The following OR5AR1 variants were observed in gnomAD, a reference collection of about 807,000 sequenced individuals.
OR5AR1 encodes olfactory receptor family 5 subfamily AR member 1, also known as olfactory receptor 5AR1.
Under a neutral mutation model 12.3 loss-of-function variants are expected in OR5AR1, and 19 were observed. That is an observed-to-expected ratio of 1.55 (90% CI 1.08 to 2.27). The LOEUF (loss-of-function observed/expected upper bound fraction) is 2.27. Among genes scored for constraint, OR5AR1 ranks in the 30% most tolerant of loss-of-function variants. OR5AR1 has a pLI of 0.00. For synonymous variants in OR5AR1, 156 were observed against 138.8 expected, an observed-to-expected ratio of 1.12 and a Z score of -0.87; for missense variants, 432 against 378.4, an observed-to-expected ratio of 1.14 and a Z score of -1.18.
In OR5AR1 at chr11:56,664,013, G is replaced by T; in HGVS notation, c.328G>T (p.Ala110Ser). The change falls in exon 1 of 1, where the codon GCT becomes TCT. Residue 110 changes from alanine (A) to serine (S), a missense_variant. Coordinates refer to ENST00000624596, the MANE Select transcript of OR5AR1 (RefSeq NM_001004730.1). ...TGCTTTTTTTGTAGGTTTTGTGGATGCTGAGTGCTATGTCCTGGCAGCCAT... is the reference window on the plus strand; with the variant it reads ...TGCTTTTTTTGTAGGTTTTGTGGATTCTGAGTGCTATGTCCTGGCAGCCAT... ...QFAFFVGFVD[A>S]ECYVLAAMAY... 6.2e-7 allele frequency: 1 copy of T among 1,613,950 alleles called. No homozygotes were observed. The highest frequency in any genetic ancestry group is 8.5e-7 in the Non-Finnish European group (1 of 1,179,970).
In OR5AR1 at chr11:56,664,499, A is replaced by T. The variant is rs2134992696; in HGVS notation, c.814A>T (p.Lys272Ter). Residue 272 changes from lysine to a stop codon, truncating the protein, a stop_gained, in exon 1 of 1, where the codon AAG becomes TAG. Coordinates refer to ENST00000624596, the MANE Select transcript of OR5AR1 (RefSeq NM_001004730.1). LOFTEE classifies it high-confidence loss of function. ...ATCCAGCTACTCCCTGGACCAAGAC[A>T]AGTGGGCCTCTGTGTTCTACACGGT... Reference protein sequence around the residue: ...PTSSYSLDQDKWASVFYTVII... With the variant: ...PTSSYSLDQD 1 of 1,614,066 alleles carries T rather than the reference A, an allele frequency of 6.2e-7. No individual in the cohort carries two copies. The highest frequency in any genetic ancestry group is 1.3e-5 in the African/African-American group (1 of 75,048).
chr11:56,663,955 A>G lies in OR5AR1; in HGVS notation c.270A>G (p.Lys90=), dbSNP rs1210538561. The G allele has an allele frequency of 6.2e-7, 1 of 1,613,950 alleles. No homozygotes were observed. The highest frequency in any genetic ancestry group is 8.5e-7 in the Non-Finnish European group (1 of 1,179,990). The change falls in exon 1 of 1, where the codon AAA becomes AAG. Residue 90 remains lysine (K), a synonymous_variant. Coordinates refer to ENST00000624596, the MANE Select transcript of OR5AR1 (RefSeq NM_001004730.1). The part of the protein sequence containing the change: ...RMLADFLTNH[K]VISFSSCATQ... Reference sequence around the variant, plus strand: ...TGGCTGACTTCCTAACAAATCACAAAGTTATCTCCTTCTCCAGCTGTGCCA... The same window carrying G: ...TGGCTGACTTCCTAACAAATCACAAGGTTATCTCCTTCTCCAGCTGTGCCA...
chr11:56,663,822 T>C lies in OR5AR1; in HGVS notation c.137T>C (p.Ile46Thr). The change falls in exon 1 of 1, where the codon ATT becomes ACT. Residue 46 changes from isoleucine to threonine, a missense_variant. Physicochemically the swap from Ile to Thr is moderately conservative, Grantham distance 89. Transcript: ENST00000624596. ...LVNVVGNIGMIILITTDTQLH... is the reference protein window; with the variant it reads ...LVNVVGNIGMTILITTDTQLH... ...AATGTAGTGGGGAATATTGGTATGA[T>C]TATCCTGATTACAACAGACACTCAG... 6.2e-7 allele frequency: 1 copy of C among 1,614,028 alleles called. No homozygotes were observed. The highest frequency in any genetic ancestry group is 8.5e-7 in the Non-Finnish European group (1 of 1,179,954).
chr11:56,664,293 G>A lies in OR5AR1; in HGVS notation c.608G>A (p.Cys203Tyr), dbSNP rs1031549482. The A allele has an allele frequency of 9.9e-6, 16 of 1,613,974 alleles. No individual in the cohort carries two copies. The Admixed American group carries it at 1.8e-4, about 18-fold the overall frequency. Residue 203 changes from cysteine (C) to tyrosine (Y), a missense_variant, in exon 1 of 1, where the codon TGT becomes TAT. Physicochemically the swap from Cys to Tyr is radical, Grantham distance 194. Coordinates refer to ENST00000624596, the MANE Select transcript of OR5AR1 (RefSeq NM_001004730.1). The part of the protein sequence containing the change: ...YISEILLFSL[C>Y]GFIEFSTILI... The stretch of plus-strand genomic sequence containing the variant: ...AGTGAGATCTTGCTCTTCAGTCTGT[G>A]TGGCTTCATTGAATTCAGCACCATC...
In OR5AR1 at chr11:56,664,505, G is replaced by A. The variant is rs1195249214; in HGVS notation, c.820G>A (p.Ala274Thr). The A allele has an allele frequency of 6.8e-6, 11 of 1,613,666 alleles. No individual in the cohort carries two copies. Among genetic ancestry groups the A allele is most frequent in the Non-Finnish European group, 9.3e-6 (11 of 1,179,848 alleles). Reference sequence around the variant, plus strand: ...CTACTCCCTGGACCAAGACAAGTGGGCCTCTGTGTTCTACACGGTTATCAT... The same window carrying A: ...CTACTCCCTGGACCAAGACAAGTGGACCTCTGTGTTCTACACGGTTATCAT... ...SSYSLDQDKWASVFYTVIIPM... is the reference protein window; with the variant it reads ...SSYSLDQDKWTSVFYTVIIPM... Residue 274 changes from alanine to threonine, a missense_variant, in exon 1 of 1, where the codon GCC becomes ACC. Ala to Thr is a moderately conservative substitution (Grantham distance 58, BLOSUM62 0). Coordinates refer to ENST00000624596, the MANE Select transcript of OR5AR1 (RefSeq NM_001004730.1).
In OR5AR1 at chr11:56,664,504, G is replaced by C; in HGVS notation, c.819G>C (p.Trp273Cys). The C allele has an allele frequency of 1.2e-6, 2 of 1,613,960 alleles. No homozygotes were observed. Among genetic ancestry groups the C allele is most frequent in the East Asian group, 4.5e-5 (2 of 44,852 alleles). Residue 273 changes from tryptophan (W) to cysteine (C), a missense_variant, in exon 1 of 1, where the codon TGG becomes TGC. Physicochemically the swap from Trp to Cys is radical, Grantham distance 215. Transcript: ENST00000624596. ...GCTACTCCCTGGACCAAGACAAGTG[G>C]GCCTCTGTGTTCTACACGGTTATCA... The part of the protein sequence containing the change: ...TSSYSLDQDK[W>C]ASVFYTVIIP...
Position 56,664,287 on chromosome 11 carries a change from GTCTGTGTGGC to G in OR5AR1, c.604_613del (p.Leu202SerfsTer56). On this transcript the variant is annotated frameshift_variant, in exon 1 of 1. Transcript: ENST00000624596. LOFTEE classifies it high-confidence loss of function. ...TACATCAGTGAGATCTTGCTCTTCA[GTCTGTGTGGC>G]TTCATTGAATTCAGCACCATCCTCA... 2 of 1,614,106 alleles carry G rather than the reference GTCTGTGTGGC, an allele frequency of 1.2e-6. No homozygotes were observed. Among genetic ancestry groups the G allele is most frequent in the Non-Finnish European group, 1.7e-6 (2 of 1,180,014 alleles).
At position 56,664,505 on chromosome 11, in the gene OR5AR1, G is replaced by C; in HGVS notation, c.820G>C (p.Ala274Pro). The C allele has an allele frequency of 6.2e-7, 1 of 1,613,784 alleles. No homozygotes were observed. Among genetic ancestry groups the C allele is most frequent in the East Asian group, 2.2e-5 (1 of 44,842 alleles). Residue 274 changes from alanine (A) to proline (P), a missense_variant, in exon 1 of 1, where the codon GCC (alanine) becomes CCC (proline). Physicochemically the swap from Ala to Pro is conservative, Grantham distance 27. Transcript: ENST00000624596. ...CTACTCCCTGGACCAAGACAAGTGG[G>C]CCTCTGTGTTCTACACGGTTATCAT... is the stretch of plus-strand genomic sequence containing the variant. Reference protein sequence around the residue: ...SSYSLDQDKWASVFYTVIIPM... With the variant: ...SSYSLDQDKWPSVFYTVIIPM...
chr11:56,664,314 C>A lies in OR5AR1; in HGVS notation c.629C>A (p.Thr210Asn), dbSNP rs1483602894. ...FSLCGFIEFS[T>N]ILIIFISYTF... is the part of the protein sequence containing the mutation. Reference sequence around the variant, plus strand: ...CTGTGTGGCTTCATTGAATTCAGCACCATCCTCATCATCTTCATCTCCTAT... The same window carrying A: ...CTGTGTGGCTTCATTGAATTCAGCAACATCCTCATCATCTTCATCTCCTAT... Residue 210 changes from threonine (T) to asparagine (N), a missense_variant, in exon 1 of 1, where the codon ACC becomes AAC. Coordinates refer to ENST00000624596, the MANE Select transcript of OR5AR1 (RefSeq NM_001004730.1). The A allele has an allele frequency of 6.2e-7, 1 of 1,613,960 alleles. No individual in the cohort carries two copies. Among genetic ancestry groups the A allele is most frequent in the African/African-American group, 1.3e-5 (1 of 74,904 alleles).
At position 56,663,849 on chromosome 11, in the gene OR5AR1, T is replaced by C. The variant is rs147830229; in HGVS notation, c.164T>C (p.Leu55Pro). The change falls in exon 1 of 1, where the codon CTT becomes CCT. Residue 55 changes from leucine to proline, a missense_variant. Physicochemically the swap from Leu to Pro is moderately conservative, Grantham distance 98. Transcript: ENST00000624596. Reference protein sequence around the residue: ...MIILITTDTQLHTPMYFFLCN... With the variant: ...MIILITTDTQPHTPMYFFLCN... ...ATCCTGATTACAACAGACACTCAGCTTCACACACCCATGTATTTTTTCCTC... is the reference window on the plus strand; with the variant it reads ...ATCCTGATTACAACAGACACTCAGCCTCACACACCCATGTATTTTTTCCTC... The C allele has an allele frequency of 1.6e-5, 26 of 1,613,994 alleles. No individual in the cohort carries two copies. The African/African-American group carries it at 3.3e-4, about 21-fold the overall frequency.
Position 56,663,839 on chromosome 11 carries a change from G to GAC in OR5AR1, c.157_158dup (p.Gln54LeufsTer34). 1 of 1,614,014 alleles carries GAC rather than the reference G, an allele frequency of 6.2e-7. No individual in the cohort carries two copies. Among genetic ancestry groups the GAC allele is most frequent in the Non-Finnish European group, 8.5e-7 (1 of 1,179,948 alleles). On this transcript the variant is annotated frameshift_variant, in exon 1 of 1. Transcript: ENST00000624596. LOFTEE classifies it high-confidence loss of function. The stretch of plus-strand genomic sequence containing the variant: ...TGGTATGATTATCCTGATTACAACA[G>GAC]ACACTCAGCTTCACACACCCATGTA...
Position 56,664,588 on chromosome 11 carries a change from CA to C in OR5AR1, c.908del (p.Lys303SerfsTer2), listed in dbSNP as rs1204058938. Reference protein sequence around the residue: ...LRNKDVKAAFKKLIGKKSQ With the variant: ...LRNKDVKAAFXKLIGKKSQ The stretch of plus-strand genomic sequence containing the variant: ...GGAACAAGGATGTGAAAGCTGCTTT[CA>C]AAAAGCTAATTGGAAAAAAATCTCA... On this transcript the variant is annotated frameshift_variant, in exon 1 of 1. Coordinates refer to ENST00000624596, the MANE Select transcript of OR5AR1 (RefSeq NM_001004730.1). LOFTEE classifies it high-confidence loss of function. 2.5e-6 allele frequency: 4 copies of C among 1,596,662 alleles called. No homozygotes were observed. The highest frequency in any genetic ancestry group is 2.6e-6 in the Non-Finnish European group (3 of 1,170,270).
In OR5AR1 at chr11:56,663,796, T is replaced by TA; in HGVS notation, c.113dup (p.Asn38LysfsTer33). The TA allele has an allele frequency of 2.5e-6, 4 of 1,613,516 alleles. No individual in the cohort carries two copies. The highest frequency in any genetic ancestry group is 3.4e-6 in the Non-Finnish European group (4 of 1,179,506). ...TGGTCTTCCTCATAGTTTACCTGGT[T>TA]AATGTAGTGGGGAATATTGGTATGA... is the stretch of plus-strand genomic sequence containing the variant. On this transcript the variant is annotated frameshift_variant, in exon 1 of 1. Coordinates refer to ENST00000624596, the MANE Select transcript of OR5AR1 (RefSeq NM_001004730.1). LOFTEE classifies it high-confidence loss of function.
Position 56,663,857 on chromosome 11 carries a change from C to T in OR5AR1, c.172C>T (p.Pro58Ser), listed in dbSNP as rs749905249. Residue 58 changes from proline (P) to serine (S), a missense_variant, in exon 1 of 1, where the codon CCC becomes TCC. Pro to Ser is a moderately conservative substitution (Grantham distance 74). Transcript: ENST00000624596. ...LITTDTQLHT[P>S]MYFFLCNLSF... ...TACAACAGACACTCAGCTTCACACA[C>T]CCATGTATTTTTTCCTCTGCAACCT... 1 of 1,614,018 alleles carries T rather than the reference C, an allele frequency of 6.2e-7. No homozygotes were observed. The highest frequency in any genetic ancestry group is 8.5e-7 in the Non-Finnish European group (1 of 1,179,948).
rs753453988 is a variant in OR5AR1 at position 56,664,554 on chromosome 11, A to G, written c.869A>G (p.Tyr290Cys). ...ATCCCCATGTTAAATCCCTTGATCT[A>G]CAGTTTGCGGAACAAGGATGTGAAA... ...VIIPMLNPLIYSLRNKDVKAA... is the reference protein window; with the variant it reads ...VIIPMLNPLICSLRNKDVKAA... The change falls in exon 1 of 1, where the codon TAC (tyrosine) becomes TGC (cysteine). Residue 290 changes from tyrosine to cysteine, a missense_variant. Physicochemically the swap from Tyr to Cys is radical, Grantham distance 194. Transcript: ENST00000624596. 1.9e-6 allele frequency: 3 copies of G among 1,613,582 alleles called. No individual in the cohort carries two copies. Among genetic ancestry groups the G allele is most frequent in the Non-Finnish European group, 2.5e-6 (3 of 1,179,708 alleles).
chr11:56,664,273 G>T lies in OR5AR1; in HGVS notation c.588G>T (p.Glu196Asp), dbSNP rs779616394. 1 of 1,614,048 alleles carries T rather than the reference G, an allele frequency of 6.2e-7. No individual in the cohort carries two copies. The highest frequency in any genetic ancestry group is 8.5e-7 in the Non-Finnish European group (1 of 1,179,984). The change falls in exon 1 of 1, where the codon GAG becomes GAT. Residue 196 changes from glutamate (E) to aspartate (D), a missense_variant. Glu to Asp is a conservative substitution (Grantham distance 45). Transcript: ENST00000624596. ...CTTGCTCAGACACCTACATCAGTGA[G>T]ATCTTGCTCTTCAGTCTGTGTGGCT... ...ALSCSDTYIS[E>D]ILLFSLCGFI... is the part of the protein sequence containing the mutation.
In OR5AR1 at chr11:56,663,965, T is replaced by C. The variant is rs1857212342; in HGVS notation, c.280T>C (p.Phe94Leu). Residue 94 changes from phenylalanine (F) to leucine (L), a missense_variant, in exon 1 of 1, where the codon TTC (phenylalanine) becomes CTC (leucine). Phe to Leu is a conservative substitution (Grantham distance 22). Coordinates refer to ENST00000624596, the MANE Select transcript of OR5AR1 (RefSeq NM_001004730.1). ...CCTAACAAATCACAAAGTTATCTCC[T>C]TCTCCAGCTGTGCCACCCAGTTTGC... ...DFLTNHKVIS[F>L]SSCATQFAFF... 6 of 1,614,018 alleles carry C rather than the reference T, an allele frequency of 3.7e-6. No homozygotes were observed. The highest frequency in any genetic ancestry group is 1.7e-5 in the Admixed American group (1 of 59,988).
At position 56,664,592 on chromosome 11, in the gene OR5AR1, A is replaced by C. The variant is rs771119069; in HGVS notation, c.907A>C (p.Lys303Gln). 6.3e-6 allele frequency: 10 copies of C among 1,597,906 alleles called. No homozygotes were observed. The South Asian group carries it at 1.1e-4, about 18-fold the overall frequency. The change falls in exon 1 of 1, where the codon AAG becomes CAG. Residue 303 changes from lysine (K) to glutamine (Q), a missense_variant. Transcript: ENST00000624596. ...RNKDVKAAFK[K>Q]LIGKKSQ ...CAAGGATGTGAAAGCTGCTTTCAAA[A>C]AGCTAATTGGAAAAAAATCTCAATA...
rs752625598 is a variant in OR5AR1 at position 56,664,552 on chromosome 11, C to G, written c.867C>G (p.Ile289Met). 6.2e-7 allele frequency: 1 copy of G among 1,613,592 alleles called. No homozygotes were observed. The highest frequency in any genetic ancestry group is 8.5e-7 in the Non-Finnish European group (1 of 1,179,728). The part of the protein sequence containing the change: ...TVIIPMLNPL[I>M]YSLRNKDVKA... ...TCATCCCCATGTTAAATCCCTTGAT[C>G]TACAGTTTGCGGAACAAGGATGTGA... Residue 289 changes from isoleucine (I) to methionine (M), a missense_variant, in exon 1 of 1, where the codon ATC becomes ATG. Ile to Met is a conservative substitution (Grantham distance 10). Coordinates refer to ENST00000624596, the MANE Select transcript of OR5AR1 (RefSeq NM_001004730.1).
Sources: allele counts gnomAD v4.1 joint callset, GRCh38; gene constraint gnomAD v4.1.1; transcripts MANE v1.5; gene names NCBI Gene and HGNC (gene_info 2026-07-23, HGNC 2026-07-21).